The following TBC1D4 variants were observed in gnomAD, a reference collection of about 807,000 sequenced individuals.
The protein encoded by TBC1D4 is TBC1 domain family member 4.
In TBC1D4, 121 loss-of-function variants were observed where a neutral mutation model predicts 142.5. The ratio of observed to expected loss-of-function variants is 0.85; its 90% CI spans 0.73 to 0.99. The LOEUF (loss-of-function observed/expected upper bound fraction) is 0.99. Among genes scored for constraint, TBC1D4 ranks in the 50% least tolerant of loss-of-function variants. The pLI is 0.00. For synonymous variants in TBC1D4, 630 were observed against 628.2 expected, an observed-to-expected ratio of 1.00 and a Z score of -0.04; for missense variants, 1,475 against 1,606.6, an observed-to-expected ratio of 0.92 and a Z score of 1.40.
intron 1 of TBC1D4, among the ~76,000 whole-genome samples, chr13:75,469,641 G>A (rs1197791371): frequency 6.6e-6 from 1 of 152,066 alleles, no homozygotes; most frequent in Non-Finnish European, 1.5e-5. Context: ...CAGGCATGGT[G>A]GCTGGAACCT....
intron 1 of TBC1D4, among the ~76,000 whole-genome samples, chr13:75,368,721 A>G (rs1883062137): frequency 6.6e-6 from 1 of 152,162 alleles, no homozygotes; most frequent in South Asian, 2.1e-4. Context: ...CTCACAGGAA[A>G]AAATCTGGGG....
Position 75,368,761 on chromosome 13 carries a change from G to A in TBC1D4, c.499-6154C>T, listed in dbSNP as rs151029696. Reference sequence around the variant, plus strand: ...ATGATTTGATAAAGAGAATGAGGCCGGGCGTAGTGGGTCACACCTGTAATC... The same window carrying A: ...ATGATTTGATAAAGAGAATGAGGCCAGGCGTAGTGGGTCACACCTGTAATC... On this transcript the variant is annotated intron_variant, in intron 1 of 20. Transcript: ENST00000377636. 2.8e-4 allele frequency among the ~76,000 whole-genome samples: 43 copies of A among 152,256 alleles called. No individual in the cohort carries two copies. In the East Asian group the frequency reaches 7.3e-3, roughly 26 times the overall value.
At chr13:75,319,953 ATGT>A in intron 12 of TBC1D4, 58 bp downstream of exon 12, 1 of 1,571,184 alleles carries the variant, frequency 6.4e-7, no homozygotes, top group Non-Finnish European at 8.7e-7. Context: ...ACTAAGGATG[ATGT>A]TCAGTTGGAA....
intron 1 of TBC1D4, among the ~76,000 whole-genome samples, chr13:75,451,222 G>C (rs1317688669): frequency 1.3e-5 from 2 of 152,034 alleles, no homozygotes; most frequent in Non-Finnish European, 2.9e-5. Flanking sequence ...AAGATGGAGT[G>C]AATAGTACCT....
intron 1 of TBC1D4, among the ~76,000 whole-genome samples, chr13:75,443,794 G>A (rs1214670531): frequency 2.0e-5 from 3 of 152,254 alleles, no homozygotes; most frequent in African/African-American, 7.2e-5. Context: ...GCAGAGACCA[G>A]GAAAAGCCAA....
chr13:75,329,110 C>T (rs944206042), intron 8 of TBC1D4, among the ~76,000 whole-genome samples: 2 of 151,986 alleles, frequency 1.3e-5, no homozygotes, highest in African/African-American at 4.8e-5. Context: ...TTCCACCTCC[C>T]CCCAACCCCC....
intron 1 of TBC1D4, among the ~76,000 whole-genome samples, chr13:75,397,789 A>G (rs1296913067): frequency 2.0e-5 from 3 of 152,352 alleles, no homozygotes; most frequent in Non-Finnish European, 4.4e-5. Flanking sequence ...TTACCCTCGT[A>G]TAGTAGACTA....
intron 1 of TBC1D4, among the ~76,000 whole-genome samples, chr13:75,374,640 T>C (rs1883403789): frequency 6.6e-6 from 1 of 152,184 alleles, no homozygotes; most frequent in Non-Finnish European, 1.5e-5. Flanking sequence ...GCCTGTATAA[T>C]GTGATAATGG....
At chr13:75,395,256 C>A (rs562915269) in intron 1 of TBC1D4, among the ~76,000 whole-genome samples, 34 of 152,286 alleles carry the variant, frequency 2.2e-4, no homozygotes, top group Admixed American at 5.2e-4. Context: ...CTACTTCCTC[C>A]TTAGCAACTC....
intron 1 of TBC1D4, among the ~76,000 whole-genome samples, chr13:75,457,836 T>C (rs527663905): frequency 6.6e-6 from 1 of 152,302 alleles, no homozygotes; most frequent in African/African-American, 2.4e-5. Context: ...GAGCGTTCCC[T>C]AACCCTCTCA....
intron 13 of TBC1D4, 22 bp from the exon 14 acceptor site, chr13:75,310,173 G>A (rs776673136): frequency 1.9e-6 from 3 of 1,608,636 alleles, no homozygotes; most frequent in Non-Finnish European, 2.5e-6. Context: ...AACACAGTGA[G>A]AGGCATTCCT....
At chr13:75,391,075 A>C (rs1024045323) in intron 1 of TBC1D4, among the ~76,000 whole-genome samples, 19 of 100,732 alleles carry the variant, frequency 1.9e-4, no homozygotes, top group African/African-American at 7.0e-4. Flanking sequence ...CACACACACA[A>C]ACAACTTGTA....
At chr13:75,313,935 A>C (rs1454618794) in intron 12 of TBC1D4, among the ~76,000 whole-genome samples, 1 of 152,132 alleles carries the variant, frequency 6.6e-6, no homozygotes, top group Non-Finnish European at 1.5e-5. Flanking sequence ...AAATTCCCCA[A>C]CTTATTGAAA....
intron 8 of TBC1D4, among the ~76,000 whole-genome samples, chr13:75,333,729 C>T (rs1443980327): frequency 2.6e-5 from 4 of 152,316 alleles, no homozygotes; most frequent in Middle Eastern, 3.4e-3. Flanking sequence ...ATTGGTTGTC[C>T]CAATAATGGC....
intron 1 of TBC1D4, among the ~76,000 whole-genome samples, chr13:75,437,476 A>G (rs529906915): frequency 1.3e-5 from 2 of 152,336 alleles, no homozygotes; most frequent in African/African-American, 2.4e-5. Context: ...CAATGTTTCT[A>G]TAAGTCTGAA....
Position 75,286,729 on chromosome 13 carries a change from T to G in TBC1D4, c.*63A>C. 1.3e-6 allele frequency: 2 copies of G among 1,526,320 alleles called. No homozygotes were observed. Among genetic ancestry groups the G allele is most frequent in the Non-Finnish European group, 1.8e-6 (2 of 1,113,970 alleles). 94.5% of individuals were successfully genotyped at this position (1,526,320 alleles called of 1,614,324 possible). A position where few individuals can be genotyped will look rare whatever the true frequency, so the allele number is the denominator to read the frequency against. On this transcript the variant is annotated 3_prime_UTR_variant, in exon 21 of 21. Transcript: ENST00000377636. ...AGGGTCCAGCCTTGGGCCAGCGACA[T>G]GCAGGCTCTTCCTCTCTGTAGTATT...
intron 4 of TBC1D4, among the ~76,000 whole-genome samples, chr13:75,352,976 G>A (rs1248054354): frequency 1.3e-5 from 2 of 152,052 alleles, no homozygotes; most frequent in African/African-American, 4.8e-5. Context: ...TTTTTTTCTT[G>A]AGGCTTGCAG....
In TBC1D4 at chr13:75,303,183, G is replaced by A. The variant is rs543051362; in HGVS notation, c.2753-782C>T. On this transcript the variant is annotated intron_variant, in intron 15 of 20. Coordinates refer to ENST00000377636, the MANE Select transcript of TBC1D4 (RefSeq NM_014832.5). ...AAATACAAAAATTAGCGAGCATGGT[G>A]GCATGCACCTGTAATCTCAGCTACT... Among the ~76,000 whole-genome samples, 3 of 152,126 alleles carry A rather than the reference G, an allele frequency of 2.0e-5. No homozygotes were observed. In the East Asian group the frequency reaches 5.8e-4, roughly 30 times the overall value.
intron 1 of TBC1D4, among the ~76,000 whole-genome samples, chr13:75,423,186 T>C (rs1458834240): frequency 6.6e-6 from 1 of 152,140 alleles, no homozygotes; most frequent in Non-Finnish European, 1.5e-5. Context: ...CCATAGAAAG[T>C]TATGACAGTT....
Sources: allele counts gnomAD v4.1 joint callset (sites outside exome capture counted in the v4.1 genomes callset), GRCh38; gene constraint gnomAD v4.1.1; transcripts MANE v1.5; gene names NCBI Gene and HGNC (gene_info 2026-07-23, HGNC 2026-07-21).